Variants in USP37 observed in about 807,000 individuals in gnomAD.
USP37 encodes ubiquitin specific peptidase 37.
Under a neutral mutation model 124.0 loss-of-function variants are expected in USP37, and 27 were observed. The ratio of observed to expected loss-of-function variants is 0.22; its 90% confidence interval spans 0.16 to 0.30. The LOEUF (loss-of-function observed/expected upper bound fraction) is 0.30, where lower values mean the gene tolerates loss of function less well. Ranked by LOEUF, USP37 falls within the 10% of genes least tolerant of loss-of-function variation. The pLI is 1.00. For missense variants in USP37, 889 were observed against 1,140.4 expected (o/e 0.78, Z 3.17); for synonymous variants, 365 against 388.0 (o/e 0.94, Z 0.70).
chr2:218,495,663 C>G (rs1212151741), intron 14 of USP37, 97 bp downstream of exon 14: 4 of 1,357,836 alleles, frequency 2.9e-6, no homozygotes, highest in Non-Finnish European at 4.0e-6. Context: ...GTCTTAAAAA[C>G]AGAAAAGAAT....
intron 20 of USP37, among the ~76,000 whole-genome samples, chr2:218,469,429 G>A (rs1318956746): frequency 6.6e-6 from 1 of 152,178 alleles, no homozygotes; most frequent in African/African-American, 2.4e-5. Flanking sequence ...AGCTGATGAT[G>A]AGCATTTCAA....
intron 10 of USP37, among the ~76,000 whole-genome samples, chr2:218,520,988 C>A (rs1690581361): frequency 1.3e-5 from 2 of 152,146 alleles, no homozygotes; most frequent in African/African-American, 4.8e-5. Context: ...TATCCTGGTG[C>A]TAAACTTGGT....
intron 20 of USP37, among the ~76,000 whole-genome samples, chr2:218,467,430 C>G (rs1468237295): frequency 6.6e-6 from 1 of 152,022 alleles, no homozygotes; most frequent in Non-Finnish European, 1.5e-5. Flanking sequence ...CTCACTGCAA[C>G]CTTTGCCTCT....
chr2:218,489,533 G>A (rs1691797842), intron 14 of USP37, among the ~76,000 whole-genome samples: 1 of 151,682 alleles, frequency 6.6e-6, no homozygotes, highest in African/African-American at 2.4e-5. Flanking sequence ...CCAAGCTGGA[G>A]TGCAATGGCA....
chr2:218,480,045 C>T (rs550055189), intron 17 of USP37, among the ~76,000 whole-genome samples: 1 of 151,684 alleles, frequency 6.6e-6, no homozygotes, highest in African/African-American at 2.4e-5. Flanking sequence ...ACTCGGGAGG[C>T]TGAGGCATGA....
rs142182734 is a variant in USP37 at position 218,478,675 on chromosome 2, A to T, written c.1901+975T>A. On this transcript the variant is annotated intron_variant, in intron 18 of 25. Coordinates refer to ENST00000258399, the MANE Select transcript of USP37 (RefSeq NM_020935.3). ...CTTGGTACATAGAGTGCATTCCATT[A>T]ATGATTACTATATTTACAGAAGGCA... 5.9e-3 allele frequency among the ~76,000 whole-genome samples: 906 copies of T among 152,294 alleles called. 8 individuals carry two copies. The highest frequency in any genetic ancestry group is 0.02 in the African/African-American group (843 of 41,566).
At chr2:218,487,055 C>CAAT in intron 15 of USP37, among the ~76,000 whole-genome samples, 1 of 152,010 alleles carries the variant, frequency 6.6e-6, no homozygotes, top group Non-Finnish European at 1.5e-5. Context: ...CTTAGGAAGA[C>CAAT]AATCCTGCCA....
intron 10 of USP37, among the ~76,000 whole-genome samples, chr2:218,512,994 G>A (rs1296079829): frequency 3.3e-5 from 5 of 151,788 alleles, no homozygotes; most frequent in Admixed American, 3.3e-4. Context: ...TTTACTATTT[G>A]TTCTACATGT....
At chr2:218,546,830 T>G in intron 7 of USP37, 89 bp downstream of exon 7, 2 of 1,444,248 alleles carry the variant, frequency 1.4e-6, no homozygotes, top group Non-Finnish European at 1.9e-6. Context: ...TACTCTATAC[T>G]TTATTTCTCC....
At chr2:218,465,099 G>A (rs1690243385) in intron 21 of USP37, among the ~76,000 whole-genome samples, 1 of 151,842 alleles carries the variant, frequency 6.6e-6, no homozygotes, top group African/African-American at 2.4e-5. Context: ...CAGGAAGACA[G>A]ATAAATGTTC....
At chr2:218,483,366 C>A (rs1183733933) in intron 16 of USP37, among the ~76,000 whole-genome samples, 1 of 152,076 alleles carries the variant, frequency 6.6e-6, no homozygotes, top group Non-Finnish European at 1.5e-5. Flanking sequence ...TGAGGCCCAA[C>A]TTTGTGAACA....
chr2:218,479,561 A>T, intron 18 of USP37, 89 bp downstream of exon 18: 1 of 1,073,982 alleles, frequency 9.3e-7, no homozygotes, highest in South Asian at 1.3e-5. Flanking sequence ...AAGAAAAACA[A>T]TAATGAAAAG....
chr2:218,555,370 A>C (rs868153157), intron 4 of USP37, among the ~76,000 whole-genome samples: 2 of 152,304 alleles, frequency 1.3e-5, no homozygotes, highest in South Asian at 4.1e-4. Context: ...TTATATTCAA[A>C]TTTTAAATTA....
At chr2:218,464,607 A>G (rs1265728112) in intron 21 of USP37, among the ~76,000 whole-genome samples, 1 of 152,164 alleles carries the variant, frequency 6.6e-6, no homozygotes, top group African/African-American at 2.4e-5. Flanking sequence ...CTACCCATTC[A>G]TTCTAGGGAG....
chr2:218,497,860 A>G lies in USP37; in HGVS notation c.1158-3T>C, dbSNP rs770125622. The G allele has an allele frequency of 9.3e-6, 15 of 1,611,694 alleles. No homozygotes were observed. Among genetic ancestry groups the G allele is most frequent in the Non-Finnish European group, 9.3e-6 (11 of 1,179,270 alleles). On this transcript the variant is annotated splice_polypyrimidine_tract_variant and splice_region_variant and intron_variant, in intron 12 of 25. Transcript: ENST00000258399. ...TAACAAGCAAGTGTGCAAAGCGTCTAGTAAAACAAAAAACACAAAGTTAGC... is the reference window on the plus strand; with the variant it reads ...TAACAAGCAAGTGTGCAAAGCGTCTGGTAAAACAAAAAACACAAAGTTAGC...
intron 8 of USP37, among the ~76,000 whole-genome samples, chr2:218,545,394 C>A (rs993287730): frequency 6.6e-6 from 1 of 152,088 alleles, no homozygotes; most frequent in Non-Finnish European, 1.5e-5. Flanking sequence ...CCTTGGTCCA[C>A]AAAATGGAGG....
At chr2:218,517,456 T>C (rs58375283) in intron 10 of USP37, among the ~76,000 whole-genome samples, 7,450 of 152,290 alleles carry the variant, frequency 0.049, 524 homozygotes, top group African/African-American at 0.16. Context: ...TTTTGTATGA[T>C]AGTGTCTATT....
intron 23 of USP37, among the ~76,000 whole-genome samples, 200 bp downstream of exon 23, chr2:218,459,590 T>TG (rs372874587): frequency 0.015 from 2,325 of 152,278 alleles, 49 homozygotes; most frequent in African/African-American, 0.053. Flanking sequence ...TTCCTGTTTT[T>TG]TTTGTTTGTT....
At chr2:218,524,643 G>A (rs1266589026) in intron 10 of USP37, among the ~76,000 whole-genome samples, 6 of 152,154 alleles carry the variant, frequency 3.9e-5, no homozygotes, top group South Asian at 2.1e-4. Context: ...GGAGTCTCGC[G>A]CTGTCACCCA....
Sources: allele counts gnomAD v4.1 joint callset (sites outside exome capture counted in the v4.1 genomes callset), GRCh38; gene constraint gnomAD v4.1.1; transcripts MANE v1.5; gene names NCBI Gene and HGNC (gene_info 2026-07-23, HGNC 2026-07-21).